Variants in LAMA4 observed in about 807,000 individuals in gnomAD.
LAMA4 encodes laminin subunit alpha 4.
In LAMA4, 127 loss-of-function variants were observed where a neutral mutation model predicts 207.1. The ratio of observed to expected loss-of-function variants is 0.61; its 90% CI spans 0.53 to 0.71. The LOEUF is 0.71. Among genes scored for constraint, LAMA4 ranks in the 30% least tolerant of loss-of-function variants. LAMA4 has a pLI of 0.00. For synonymous variants in LAMA4, 761 were observed against 816.0 expected, an observed-to-expected ratio of 0.93 and a Z score of 1.15; for missense variants, 2,093 against 2,246.5, an observed-to-expected ratio of 0.93 and a Z score of 1.38.
intron 2 of LAMA4, among the ~76,000 whole-genome samples, chr6:112,246,795 C>T (rs1786975656): frequency 1.3e-5 from 2 of 152,208 alleles, no homozygotes; most frequent in South Asian, 4.1e-4. Flanking sequence ...GTTGGGATTA[C>T]AGGCGTGAGC....
At chr6:112,236,940 C>T (rs1785970836) in intron 2 of LAMA4, 3 of 152,020 alleles carry the variant, frequency 2.0e-5, no homozygotes, top group African/African-American at 7.3e-5. Flanking sequence ...GTTTATGTTT[C>T]AGAATAAGAT....
chr6:112,254,163 A>G lies in LAMA4; in HGVS notation c.-13T>C. On this transcript the variant is annotated 5_prime_UTR_variant, in exon 2 of 39. An upstream start codon of the reference 5' UTR is lost. Coordinates refer to ENST00000230538, the MANE Select transcript of LAMA4 (RefSeq NM_001105206.3). ...AGCTCAAAGCCATTTCTCCGCTGAC[A>G]TCCAGTAGTGCTCTTCCAGGGCTCG... is the stretch of plus-strand genomic sequence containing the variant. 1 of 1,612,634 alleles carries G rather than the reference A, an allele frequency of 6.2e-7. No homozygotes were observed. Among genetic ancestry groups the G allele is most frequent in the Non-Finnish European group, 8.5e-7 (1 of 1,179,956 alleles).
At chr6:112,229,692 A>C (rs1444991206) in intron 2 of LAMA4, among the ~76,000 whole-genome samples, 1 of 152,232 alleles carries the variant, frequency 6.6e-6, no homozygotes, top group African/African-American at 2.4e-5. Context: ...CTGGGGATTG[A>C]AGTTGCACTA....
rs782693786 is a variant in LAMA4, at chr6:112,132,833, A to T, written c.3754T>A (p.Ser1252Thr). 8.7e-6 allele frequency: 14 copies of T among 1,612,670 alleles called. 1 individual carries two copies. In the Middle Eastern group the frequency reaches 1.7e-3, roughly 190 times the overall value. ...QSFIASIQKI[S>T]FFDGFEGGFN... ...CCTCCTTCAAAGCCATCAAAGAAAG[A>T]TATTTTCTGAATTGAAGCAATGAAG... The change falls in exon 28 of 39, where the codon TCT becomes ACT. Residue 1252 changes from serine to threonine, a missense_variant. Ser to Thr is a moderately conservative substitution (Grantham distance 58, BLOSUM62 1). Around this residue, in one of 3 missense-constraint regions of LAMA4, gnomAD observed 1,704 missense variants for 1,788.4 expected, o/e 0.95. Coordinates refer to ENST00000230538, the MANE Select transcript of LAMA4 (RefSeq NM_001105206.3).
chr6:112,188,296 G>A (rs1446620038), intron 7 of LAMA4, among the ~76,000 whole-genome samples: 2 of 152,192 alleles, frequency 1.3e-5, no homozygotes, highest in African/African-American at 4.8e-5. Context: ...CTCTCTCAAG[G>A]GAATGATTCC....
In LAMA4 at chr6:112,139,899, A is replaced by G. The variant is rs1554332657; in HGVS notation, c.2977-14T>C. 1 of 1,613,864 alleles carries G rather than the reference A, an allele frequency of 6.2e-7. No individual in the cohort carries two copies. ...GCTGGTAGGGAGCTATGCAATAGAAAAAGTAAAACCACTTGTCTCATGGTC... is the reference window on the plus strand; with the variant it reads ...GCTGGTAGGGAGCTATGCAATAGAAGAAGTAAAACCACTTGTCTCATGGTC... On this transcript the variant is annotated splice_polypyrimidine_tract_variant and intron_variant, in intron 22 of 38. Coordinates refer to ENST00000230538, the MANE Select transcript of LAMA4 (RefSeq NM_001105206.3).
chr6:112,241,692 A>T (rs1786526545), intron 2 of LAMA4, among the ~76,000 whole-genome samples: 1 of 152,200 alleles, frequency 6.6e-6, no homozygotes, highest in Non-Finnish European at 1.5e-5. Context: ...AGCAAGTGCT[A>T]ATCAAGTGCT....
In LAMA4 at chr6:112,191,680, G is replaced by A. The variant is rs149615862; in HGVS notation, c.674C>T (p.Ala225Val). ...CCTGGCGTCCCCATAGTAGCCAGGA[G>A]CGCAACGTTCACACTTGAATCCGGT... ...NTTGFKCERC[A>V]PGYYGDARIA... Residue 225 changes from alanine (A) to valine (V), a missense_variant, in exon 6 of 39, where the codon GCT (alanine) becomes GTT (valine). Physicochemically the swap from Ala to Val is moderately conservative, Grantham distance 64. Coordinates refer to ENST00000230538, the MANE Select transcript of LAMA4 (RefSeq NM_001105206.3). 3.0e-4 allele frequency: 483 copies of A among 1,614,090 alleles called. 1 individual carries two copies. In the Admixed American group the frequency reaches 3.2e-3, roughly 11 times the overall value.
intron 11 of LAMA4, among the ~76,000 whole-genome samples, chr6:112,174,338 C>T (rs886637873): frequency 1.1e-4 from 17 of 152,350 alleles, no homozygotes; most frequent in African/African-American, 2.4e-4. Flanking sequence ...GAGGCCCAGC[C>T]TTCCCGGCCA....
rs1786540648 is a variant in LAMA4, at chr6:112,241,866, A to C, written c.195+12090T>G. 2.0e-5 allele frequency among the ~76,000 whole-genome samples: 3 copies of C among 152,266 alleles called. No homozygotes were observed. In the Middle Eastern group the frequency reaches 0.01, roughly 521 times the overall value. On this transcript the variant is annotated intron_variant, in intron 2 of 38. Coordinates refer to ENST00000230538, the MANE Select transcript of LAMA4 (RefSeq NM_001105206.3). Reference sequence around the variant, plus strand: ...ACCAGCTGGAGGAAGAGCAATTGGCAATTTTCATTTTGGGGAACTGGGTCT... The same window carrying C: ...ACCAGCTGGAGGAAGAGCAATTGGCCATTTTCATTTTGGGGAACTGGGTCT...
intron 17 of LAMA4, 189 bp downstream of exon 17, chr6:112,150,322 G>A: frequency 1.6e-6 from 1 of 639,942 alleles, no homozygotes; most frequent in Non-Finnish European, 2.8e-6. Flanking sequence ...TGTGATTACA[G>A]CATTTATATT....
At chr6:112,171,781 A>G (rs1781731703) in intron 12 of LAMA4, 1 of 152,810 alleles carries the variant, frequency 6.5e-6, no homozygotes, top group South Asian at 2.1e-4. Context: ...ATTAACTTTT[A>G]CGGAAGAAAT....
chr6:112,133,303 A>G (rs955248768), intron 27 of LAMA4, 46 bp downstream of exon 27: 32 of 1,603,710 alleles, frequency 2.0e-5, no homozygotes, highest in African/African-American at 6.7e-5. Context: ...TTTGAGAGTG[A>G]TAAGTATTGT....
At chr6:112,136,552 C>T (rs886423013) in intron 24 of LAMA4, among the ~76,000 whole-genome samples, 2 of 151,900 alleles carry the variant, frequency 1.3e-5, no homozygotes, top group African/African-American at 2.4e-5. Context: ...ACTAGCCAGG[C>T]GTGGTGGTAG....
At chr6:112,183,296 C>G (rs2114920719) in intron 9 of LAMA4, among the ~76,000 whole-genome samples, 1 of 152,284 alleles carries the variant, frequency 6.6e-6, no homozygotes, top group South Asian at 2.1e-4. Flanking sequence ...CTTAAAAAGT[C>G]ATTAAGACCA....
At chr6:112,223,972 C>T (rs1785059389) in intron 2 of LAMA4, among the ~76,000 whole-genome samples, 1 of 152,178 alleles carries the variant, frequency 6.6e-6, no homozygotes, top group South Asian at 2.1e-4. Flanking sequence ...TGTCTTGACT[C>T]ATCCTTGTGT....
In LAMA4 at chr6:112,172,605, C is replaced by T. The variant is rs1554342187; in HGVS notation, c.1551+6G>A. On this transcript the variant is annotated splice_donor_region_variant and intron_variant, in intron 12 of 38. Transcript: ENST00000230538. ...GAAATGCATTGATGGTGAGTGTCCGCTGTACCTCATGGTCCCGCTGCCTGG... is the reference window on the plus strand; with the variant it reads ...GAAATGCATTGATGGTGAGTGTCCGTTGTACCTCATGGTCCCGCTGCCTGG... 4 of 1,612,470 alleles carry T rather than the reference C, an allele frequency of 2.5e-6. No individual in the cohort carries two copies. Among genetic ancestry groups the T allele is most frequent in the Non-Finnish European group, 3.4e-6 (4 of 1,179,894 alleles).
chr6:112,206,027 A>G (rs1784038174), intron 4 of LAMA4, among the ~76,000 whole-genome samples: 1 of 152,148 alleles, frequency 6.6e-6, no homozygotes, highest in Non-Finnish European at 1.5e-5. Flanking sequence ...ACTTCTCCAT[A>G]TCCTGCTCTA....
chr6:112,120,417 C>T lies in LAMA4; in HGVS notation c.4531G>A (p.Val1511Ile), dbSNP rs1554325784. 6.2e-7 allele frequency: 1 copy of T among 1,613,760 alleles called. No homozygotes were observed. The change falls in exon 33 of 39, where the codon GTC (valine) becomes ATC (isoleucine). Residue 1511 changes from valine to isoleucine, a missense_variant. Transcript: ENST00000230538. ...AAGTCATTCTCTTCTTGATCTGAGA[C>T]ATAGAAGATCATGCCATGGGAGGAA... ...TRSSHGMIFY[V>I]SDQEENDFMT...
Sources: gnomAD v4.1 joint callset for allele counts (sites outside exome capture counted in the v4.1 genomes callset) on GRCh38, gnomAD v4.1.1 for gene constraint, gnomAD v4.1.1 regional missense constraint, MANE v1.5 for transcripts, NCBI Gene and HGNC (gene_info 2026-07-23, HGNC 2026-07-21) for gene names.